KCNH1: variants seen among roughly 807,000 people sequenced by gnomAD.
KCNH1 encodes potassium voltage-gated channel subfamily H member 1, also known as voltage-gated delayed rectifier potassium channel KCNH1.
Under a neutral mutation model 69.2 loss-of-function variants are expected in KCNH1, and 27 were observed. That is an observed-to-expected ratio of 0.39 (90% confidence interval 0.29 to 0.54). The LOEUF is 0.54. Among genes scored for constraint, KCNH1 ranks in the 20% least tolerant of loss-of-function variants. KCNH1 has a pLI of 0.68. For synonymous variants in KCNH1, 456 were observed against 487.7 expected (o/e 0.93, Z 0.86); for missense variants, 798 against 1,261.6 (o/e 0.63, Z 5.57).
At chr1:211,085,849 T>C (rs752711920) in intron 4 of KCNH1, among the ~76,000 whole-genome samples, 8 of 152,148 alleles carry the variant, frequency 5.3e-5, no homozygotes, top group Non-Finnish European at 1.0e-4. Flanking sequence ...AAAGGCCAAA[T>C]GGGAGCGGAC....
chr1:210,751,291 C>T (rs1237003649), intron 10 of KCNH1, among the ~76,000 whole-genome samples: 1 of 152,116 alleles, frequency 6.6e-6, no homozygotes, highest in Non-Finnish European at 1.5e-5. Flanking sequence ...GATGAGGCTG[C>T]ATTTGACAGA....
chr1:211,002,363 CAT>C (rs1196415451), intron 6 of KCNH1, among the ~76,000 whole-genome samples: 1 of 144,422 alleles, frequency 6.9e-6, no homozygotes. Context: ...TACACACACA[CAT>C]ATATATATAC....
chr1:210,824,008 T>C (rs549075528), intron 7 of KCNH1, among the ~76,000 whole-genome samples: 3 of 152,240 alleles, frequency 2.0e-5, no homozygotes, highest in African/African-American at 7.2e-5. Context: ...ACTATATTGC[T>C]CAGTCTGGTC....
At chr1:210,826,793 G>C (rs1685040516) in intron 7 of KCNH1, among the ~76,000 whole-genome samples, 1 of 152,186 alleles carries the variant, frequency 6.6e-6, no homozygotes, top group South Asian at 2.1e-4. Flanking sequence ...TGTGTGAAAA[G>C]CAGCTTTGGA....
At chr1:210,720,848 A>G (rs1447160255) in intron 10 of KCNH1, among the ~76,000 whole-genome samples, 1 of 152,170 alleles carries the variant, frequency 6.6e-6, no homozygotes, top group Non-Finnish European at 1.5e-5. Flanking sequence ...GTTGTCCAGG[A>G]AAGTTGGGCC....
intron 1 of KCNH1, 108 bp from the exon 2 acceptor site, chr1:211,107,485 T>G: frequency 8.9e-7 from 1 of 1,121,948 alleles, no homozygotes. Context: ...TCTGATTCCC[T>G]CCAAAACATA....
intron 7 of KCNH1, among the ~76,000 whole-genome samples, chr1:210,827,064 G>T (rs563454062): frequency 2.6e-5 from 4 of 152,232 alleles, no homozygotes; most frequent in African/African-American, 9.6e-5. Context: ...GTGGCCAAGC[G>T]CAGTGGCTCA....
intron 4 of KCNH1, among the ~76,000 whole-genome samples, chr1:211,084,868 G>A (rs74156892): frequency 0.029 from 4,396 of 152,158 alleles, 218 homozygotes; most frequent in African/African-American, 0.098. Context: ...ACCAGGCATG[G>A]TACTAGATAC....
intron 5 of KCNH1, among the ~76,000 whole-genome samples, chr1:211,060,791 A>G (rs1690421372): frequency 6.6e-6 from 1 of 152,196 alleles, no homozygotes. Flanking sequence ...CAGACCAGTT[A>G]CAAGTAATGA....
At chr1:210,938,259 T>C (rs973141084) in intron 6 of KCNH1, among the ~76,000 whole-genome samples, 2 of 152,228 alleles carry the variant, frequency 1.3e-5, no homozygotes, top group African/African-American at 4.8e-5. Context: ...ATAGGTAATT[T>C]TGCTGTCATT....
intron 10 of KCNH1, among the ~76,000 whole-genome samples, chr1:210,693,752 ATCT>A (rs1293061567): frequency 1.3e-5 from 2 of 152,164 alleles, no homozygotes; most frequent in African/African-American, 4.8e-5. Flanking sequence ...ACTGGTGGCC[ATCT>A]TCTTTTGACA....
At chr1:211,126,174 G>A (rs1040329197) in intron 1 of KCNH1, among the ~76,000 whole-genome samples, 5 of 146,916 alleles carry the variant, frequency 3.4e-5, no homozygotes, top group African/African-American at 1.0e-4. Flanking sequence ...AGACCCCTCT[G>A]GACAACATGG....
At chr1:210,782,229 T>G (rs1684001028) in intron 9 of KCNH1, among the ~76,000 whole-genome samples, 2 of 152,188 alleles carry the variant, frequency 1.3e-5, no homozygotes, top group Admixed American at 1.3e-4. Context: ...TGAACAGCAC[T>G]GCGCATCTTA....
intron 7 of KCNH1, among the ~76,000 whole-genome samples, chr1:210,893,239 T>C (rs532835007): frequency 6.6e-6 from 1 of 152,334 alleles, no homozygotes; most frequent in African/African-American, 2.4e-5. Context: ...GTCTAAGATA[T>C]CTTCACTTAA....
intron 6 of KCNH1, among the ~76,000 whole-genome samples, chr1:211,002,322 ATATATGTGTGTGTGTG>A (rs1689201469): frequency 9.3e-6 from 1 of 108,068 alleles, no homozygotes; most frequent in Non-Finnish European, 1.9e-5. Context: ...ACGTGTATAT[ATATATGTGTGTGTGTG>A]TATATATATA....
intron 10 of KCNH1, among the ~76,000 whole-genome samples, chr1:210,737,025 G>T (rs769641670): frequency 3.9e-5 from 6 of 152,168 alleles, no homozygotes; most frequent in African/African-American, 1.4e-4. Flanking sequence ...GCTGCTTTCT[G>T]GTAAAGGAAC....
chr1:211,019,488 A>G (rs1046612103), intron 5 of KCNH1, among the ~76,000 whole-genome samples: 21 of 152,216 alleles, frequency 1.4e-4, no homozygotes, highest in Non-Finnish European at 1.5e-5. Context: ...TGTACTAAGC[A>G]CTTTACACAC....
At chr1:210,909,105 G>A (rs1277239465) in intron 7 of KCNH1, among the ~76,000 whole-genome samples, 6 of 152,222 alleles carry the variant, frequency 3.9e-5, no homozygotes, top group Non-Finnish European at 8.8e-5. Flanking sequence ...GGGGAAAAGC[G>A]AAAATGGAAA....
chr1:210,775,900 C>A (rs1468794862), intron 9 of KCNH1, among the ~76,000 whole-genome samples: 2 of 152,150 alleles, frequency 1.3e-5, no homozygotes, highest in Non-Finnish European at 2.9e-5. Context: ...CATTATATTA[C>A]TTATTTACTG....
Sources: allele counts gnomAD v4.1 joint callset (sites outside exome capture counted in the v4.1 genomes callset), GRCh38; gene constraint gnomAD v4.1.1; transcripts MANE v1.5; gene names NCBI Gene and HGNC (gene_info 2026-07-23, HGNC 2026-07-21).